The following PSD3 variants were observed in gnomAD, a reference collection of about 807,000 sequenced individuals.
PSD3 encodes PH and SEC7 domain-containing protein 3.
A neutral mutation model predicts 105.5 loss-of-function variants in PSD3; 49 were observed. The ratio of observed to expected loss-of-function variants is 0.46; its 90% confidence interval spans 0.37 to 0.59. PSD3 has a LOEUF of 0.59. Ranked by LOEUF, PSD3 falls within the 20% of genes least tolerant of loss-of-function variation. The pLI is 0.00. For missense variants in PSD3, 1,561 were observed against 1,263.8 expected (o/e 1.24, Z -3.57); for synonymous variants, 557 against 457.8 (o/e 1.22, Z -2.77).
At chr8:18,712,857 C>T (rs115807330) in intron 9 of PSD3, among the ~76,000 whole-genome samples, 85 of 152,286 alleles carry the variant, frequency 5.6e-4, no homozygotes, top group Admixed American at 1.4e-3. Context: ...AACCAACATA[C>T]GTGGTGAACA....
chr8:18,971,863 G>T (rs970752189), intron 1 of PSD3, among the ~76,000 whole-genome samples: 1 of 152,012 alleles, frequency 6.6e-6, no homozygotes, highest in South Asian at 2.1e-4. Context: ...AAATTAGCTG[G>T]GCATGGTGGC....
At chr8:18,594,187 AT>A (rs1341562689) in intron 12 of PSD3, among the ~76,000 whole-genome samples, 1 of 27,008 alleles carries the variant, frequency 3.7e-5, no homozygotes, top group African/African-American at 1.0e-4. Context: ...AATATATATT[AT>A]TATATACATA....
intron 9 of PSD3, among the ~76,000 whole-genome samples, chr8:18,723,717 A>G (rs936188824): frequency 3.9e-5 from 6 of 152,222 alleles, no homozygotes; most frequent in African/African-American, 1.4e-4. Flanking sequence ...TAAACATAGC[A>G]AAGTACGGTA....
intron 1 of PSD3, among the ~76,000 whole-genome samples, chr8:18,946,083 C>G (rs1016772798): frequency 6.6e-6 from 1 of 152,196 alleles, no homozygotes; most frequent in Non-Finnish European, 1.5e-5. Context: ...TAACATGTAA[C>G]TTGTTACTCC....
intron 11 of PSD3, 72 bp from the exon 12 acceptor site, chr8:18,600,506 A>C (rs924277860): frequency 2.4e-6 from 3 of 1,225,866 alleles, no homozygotes; most frequent in Non-Finnish European, 3.5e-6. Flanking sequence ...AATGATCAAC[A>C]TGGTGACAGT....
At chr8:18,697,689 G>C (rs2131021190) in intron 9 of PSD3, among the ~76,000 whole-genome samples, 1 of 152,282 alleles carries the variant, frequency 6.6e-6, no homozygotes, top group Middle Eastern at 3.4e-3. Flanking sequence ...GCCTGTGATT[G>C]CGTGAATTAC....
chr8:18,576,885 T>C (rs1320685703), intron 12 of PSD3, among the ~76,000 whole-genome samples: 3 of 142,688 alleles, frequency 2.1e-5, no homozygotes, highest in African/African-American at 4.9e-5. Context: ...GAAATTTGTG[T>C]GTACTTTTTT....
chr8:18,773,347 C>T (rs1057368760), intron 8 of PSD3, among the ~76,000 whole-genome samples: 1 of 152,138 alleles, frequency 6.6e-6, no homozygotes, highest in African/African-American at 2.4e-5. Context: ...ATTCCATTAG[C>T]CTGTCCTTAT....
At chr8:18,695,876 T>C (rs189914905) in intron 9 of PSD3, among the ~76,000 whole-genome samples, 2 of 152,234 alleles carry the variant, frequency 1.3e-5, no homozygotes, top group African/African-American at 4.8e-5. Context: ...ATGGATAAAT[T>C]AACAATGATA....
rs573224670 is a variant in PSD3 at position 18,553,501 on chromosome 8, T to C, written c.2928+2708A>G. ...ATACAATAATAAAATTTCACGCATGTTGTCAACAAACGTGCGTCAATTAGT... is the reference window on the plus strand; with the variant it reads ...ATACAATAATAAAATTTCACGCATGCTGTCAACAAACGTGCGTCAATTAGT... On this transcript the variant is annotated intron_variant, in intron 15 of 15. Coordinates refer to ENST00000327040, the MANE Select transcript of PSD3 (RefSeq NM_015310.4). Among the ~76,000 whole-genome samples, 63 of 152,364 alleles carry C rather than the reference T, an allele frequency of 4.1e-4. 1 individual carries two copies. The South Asian group carries it at 0.011, about 26-fold the overall frequency.
intron 9 of PSD3, among the ~76,000 whole-genome samples, chr8:18,666,075 A>G (rs143833983): frequency 1.3e-5 from 2 of 151,996 alleles, no homozygotes; most frequent in African/African-American, 4.8e-5. Flanking sequence ...TTTTTGAGAC[A>G]GTCTTGTGTG....
At chr8:18,789,526 A>G (rs1809499239) in intron 8 of PSD3, among the ~76,000 whole-genome samples, 1 of 152,186 alleles carries the variant, frequency 6.6e-6, no homozygotes, top group Non-Finnish European at 1.5e-5. Flanking sequence ...TAATATGTAA[A>G]CAAAAGATTT....
At chr8:18,750,605 C>G (rs910215456) in intron 9 of PSD3, among the ~76,000 whole-genome samples, 2 of 152,056 alleles carry the variant, frequency 1.3e-5, no homozygotes, top group Admixed American at 6.6e-5. Context: ...CTGCTGGCTC[C>G]GGCAGCCTGC....
intron 9 of PSD3, among the ~76,000 whole-genome samples, chr8:18,657,707 C>T (rs1170845719): frequency 6.6e-6 from 1 of 152,096 alleles, no homozygotes; most frequent in Non-Finnish European, 1.5e-5. Flanking sequence ...TGGATAAACG[C>T]CTTTTAAATG....
chr8:18,605,920 C>T (rs1804793456), intron 11 of PSD3, among the ~76,000 whole-genome samples: 2 of 152,160 alleles, frequency 1.3e-5, no homozygotes, highest in South Asian at 2.1e-4. Flanking sequence ...TTCCCAGACA[C>T]TGAGCAGATG....
intron 9 of PSD3, among the ~76,000 whole-genome samples, chr8:18,685,192 A>G (rs975087548): frequency 3.9e-5 from 6 of 152,184 alleles, no homozygotes; most frequent in East Asian, 1.9e-4. Flanking sequence ...CAATGTACCA[A>G]TGTTCAAATT....
At chr8:18,901,741 T>G (rs954350938) in intron 2 of PSD3, among the ~76,000 whole-genome samples, 1 of 152,222 alleles carries the variant, frequency 6.6e-6, no homozygotes, top group Non-Finnish European at 1.5e-5. Context: ...TCTCAGTTTT[T>G]GTTTGTCTGG....
intron 4 of PSD3, among the ~76,000 whole-genome samples, chr8:18,814,822 G>C (rs181745992): frequency 6.6e-6 from 1 of 152,066 alleles, no homozygotes; most frequent in Non-Finnish European, 1.5e-5. Flanking sequence ...GATGCCATTG[G>C]ACATTCTCTT....
chr8:18,679,307 A>T (rs1800250158), intron 9 of PSD3, among the ~76,000 whole-genome samples: 1 of 152,224 alleles, frequency 6.6e-6, no homozygotes, highest in South Asian at 2.1e-4. Flanking sequence ...TGCAAAGGAA[A>T]CAGCAAGTGA....
Sources: gnomAD v4.1 joint callset for allele counts (sites outside exome capture counted in the v4.1 genomes callset) on GRCh38, gnomAD v4.1.1 for gene constraint, MANE v1.5 for transcripts, NCBI Gene and HGNC (gene_info 2026-07-23, HGNC 2026-07-21) for gene names.